Variants in PCDHGA4 observed in about 807,000 individuals in gnomAD.
PCDHGA4 encodes protocadherin gamma-A4.
PCDHGA4 carries 38 observed loss-of-function variants against 54.6 expected under a neutral mutation model. That is an observed-to-expected ratio of 0.70 (90% CI 0.54 to 0.91). The LOEUF (loss-of-function observed/expected upper bound fraction) is 0.91, where lower values mean the gene tolerates loss of function less well. PCDHGA4 is among the 40% of genes least tolerant of loss of function. The probability of loss-of-function intolerance (pLI) is 0.00; values close to 1 mark genes in which losing one functional copy is unlikely to be tolerated. For missense variants in PCDHGA4, 1,298 were observed against 1,220.9 expected, an observed-to-expected ratio of 1.06 and a Z score of -0.94; for synonymous variants, 511 against 512.9, an observed-to-expected ratio of 1.00 and a Z score of 0.05.
chr5:141,498,390 T>C (rs2099783500), intron 2 of PCDHGA4, among the ~76,000 whole-genome samples: 1 of 151,982 alleles, frequency 6.6e-6, no homozygotes, highest in Non-Finnish European at 1.5e-5. Context: ...ATCAAGGGAA[T>C]GGCAGGGAGT....
chr5:141,388,355 C>T (rs1204433407), intron 1 of PCDHGA4: 6 of 1,613,954 alleles, frequency 3.7e-6, no homozygotes, highest in Non-Finnish European at 5.1e-6. Flanking sequence ...TAGGATCTGC[C>T]CATGATGCGG....
intron 1 of PCDHGA4, among the ~76,000 whole-genome samples, chr5:141,435,500 A>G (rs896915416): frequency 6.6e-6 from 1 of 152,176 alleles, no homozygotes; most frequent in African/African-American, 2.4e-5. Context: ...TCCTACACTA[A>G]TGATACTAAT....
rs768559201 is a variant in PCDHGA4, at chr5:141,431,344, G to A, written c.2515-63463G>A. Reference sequence around the variant, plus strand: ...ACGGTAGTAAGTACCCCGAATTGGTGCTGAAACGCGCCCTGGACCGCGAAG... The same window carrying A: ...ACGGTAGTAAGTACCCCGAATTGGTACTGAAACGCGCCCTGGACCGCGAAG... On this transcript the variant is annotated intron_variant, in intron 1 of 3. Coordinates refer to ENST00000571252, the MANE Select transcript of PCDHGA4 (RefSeq NM_018917.4). The surrounding 1 kb of genome is among the most constrained non-coding windows in gnomAD (Gnocchi z 4.8). 3.9e-5 allele frequency: 63 copies of A among 1,614,078 alleles called. No homozygotes were observed. Among genetic ancestry groups the A allele is most frequent in the Non-Finnish European group, 5.0e-5 (59 of 1,180,044 alleles).
chr5:141,376,254 T>C (rs745835885), intron 1 of PCDHGA4: 3 of 1,614,098 alleles, frequency 1.9e-6, no homozygotes, highest in Non-Finnish European at 2.5e-6. Context: ...AAGTCACGCC[T>C]GCTGCAGGCT....
chr5:141,389,002 A>T (rs749693513), intron 1 of PCDHGA4: 25 of 1,613,966 alleles, frequency 1.5e-5, no homozygotes, highest in Admixed American at 3.3e-5. Context: ...CGTGACAAGG[A>T]TTCCAGACAC....
chr5:141,394,509 G>T lies in PCDHGA4; in HGVS notation c.2514+36888G>T, dbSNP rs367855808. 10 of 1,614,028 alleles carry T rather than the reference G, an allele frequency of 6.2e-6. No homozygotes were observed. The highest frequency in any genetic ancestry group is 7.6e-6 in the Non-Finnish European group (9 of 1,180,034). On this transcript the variant is annotated intron_variant, in intron 1 of 3. Transcript: ENST00000571252. ...CAACGCGCCCGAGATCCTGTACCCCGCCCTCCCCACAGACGGTTCCACTGG... is the reference window on the plus strand; with the variant it reads ...CAACGCGCCCGAGATCCTGTACCCCTCCCTCCCCACAGACGGTTCCACTGG...
intron 1 of PCDHGA4, chr5:141,403,625 A>G (rs2094436092): frequency 6.2e-7 from 1 of 1,613,818 alleles, no homozygotes; most frequent in African/African-American, 1.3e-5. Context: ...TCGCTCCAGC[A>G]CAGTGCGCAT....
intron 1 of PCDHGA4, chr5:141,372,132 C>T (rs1427906053): frequency 3.7e-6 from 6 of 1,613,718 alleles, no homozygotes; most frequent in Non-Finnish European, 5.1e-6. Context: ...TATGGTGCCG[C>T]GCTCTGCAGA....
intron 1 of PCDHGA4, chr5:141,399,935 A>G (rs2093920920): frequency 1.9e-6 from 3 of 1,612,300 alleles, no homozygotes; most frequent in Non-Finnish European, 2.5e-6. Context: ...CTGTCCTACC[A>G]CGTGCTGCAG....
chr5:141,385,078 G>A, intron 1 of PCDHGA4: 1 of 1,614,222 alleles, frequency 6.2e-7, no homozygotes, highest in Non-Finnish European at 8.5e-7. Context: ...CCTGCTGCAG[G>A]CTTCAGAAGG....
At chr5:141,483,224 G>A (rs530779494) in intron 1 of PCDHGA4, among the ~76,000 whole-genome samples, 17 of 152,242 alleles carry the variant, frequency 1.1e-4, no homozygotes, top group Middle Eastern at 3.4e-3. Flanking sequence ...AGTCACTGCA[G>A]AAATTTGAAC....
At chr5:141,383,551 G>T (rs772901140) in intron 1 of PCDHGA4, 11 of 1,612,380 alleles carry the variant, frequency 6.8e-6, no homozygotes, top group Non-Finnish European at 9.3e-6. Context: ...CTCTGATGGC[G>T]GCGACCCGCC....
In PCDHGA4 at chr5:141,490,682, C is replaced by T. The variant is rs1286126848; in HGVS notation, c.2515-4125C>T. On this transcript the variant is annotated intron_variant, in intron 1 of 3. Coordinates refer to ENST00000571252, the MANE Select transcript of PCDHGA4 (RefSeq NM_018917.4). The surrounding 1 kb of genome is among the most constrained non-coding windows in gnomAD (Gnocchi z 5.4). ...CTTTGCACTGTGGCTGCCTCAGATC[C>T]AGACACTGGGGATAATGCCCGCCTC... 10 of 1,614,054 alleles carry T rather than the reference C, an allele frequency of 6.2e-6. No homozygotes were observed. The highest frequency in any genetic ancestry group is 3.3e-5 in the Admixed American group (2 of 60,008).
At position 141,423,563 on chromosome 5, in the gene PCDHGA4, C is replaced by T. The variant is rs745802952; in HGVS notation, c.2514+65942C>T. 9.9e-6 allele frequency: 16 copies of T among 1,613,436 alleles called. No homozygotes were observed. In the Admixed American group the frequency reaches 2.3e-4, roughly 24 times the overall value. ...TTCCCCCAGCCCAACTATGGGGACA[C>T]GCTCATCAGCCAGGAGAGCTGTGAG... On this transcript the variant is annotated intron_variant, in intron 1 of 3. Coordinates refer to ENST00000571252, the MANE Select transcript of PCDHGA4 (RefSeq NM_018917.4).
intron 1 of PCDHGA4, among the ~76,000 whole-genome samples, chr5:141,450,830 T>A (rs923422605): frequency 3.0e-5 from 3 of 101,548 alleles, no homozygotes; most frequent in African/African-American, 1.3e-4. Context: ...ATTATTATTA[T>A]TTTTTTTTTT....
At chr5:141,423,444 A>C (rs1340932902) in intron 1 of PCDHGA4, 1 of 1,614,050 alleles carries the variant, frequency 6.2e-7, no homozygotes. Flanking sequence ...TGCCCACGTC[A>C]CATTTTGTAG....
intron 1 of PCDHGA4, chr5:141,414,713 C>T: frequency 6.2e-7 from 1 of 1,614,126 alleles, no homozygotes; most frequent in Admixed American, 1.7e-5. Context: ...TCCATCAACT[C>T]AGACACTGGC....
At position 141,393,580 on chromosome 5, in the gene PCDHGA4, C is replaced by A. The variant is rs756625630; in HGVS notation, c.2514+35959C>A. 5.6e-6 allele frequency: 9 copies of A among 1,613,758 alleles called. No individual in the cohort carries two copies. In the South Asian group the frequency reaches 9.9e-5, roughly 18 times the overall value. ...CGAGTGAAAGTCCTTGAGAACATGC[C>A]CCCAGGCACGCGGCTGCTTACTGTA... is the stretch of plus-strand genomic sequence containing the variant. On this transcript the variant is annotated intron_variant, in intron 1 of 3. Transcript: ENST00000571252.
chr5:141,448,044 C>T (rs2098559539), intron 1 of PCDHGA4, among the ~76,000 whole-genome samples: 1 of 151,942 alleles, frequency 6.6e-6, no homozygotes, highest in African/African-American at 2.4e-5. Context: ...CAAGATCATG[C>T]CATTGCTCTC....
Sources: allele counts gnomAD v4.1 joint callset (sites outside exome capture counted in the v4.1 genomes callset), GRCh38; gene constraint gnomAD v4.1.1; non-coding constraint Gnocchi (gnomAD v3.1); transcripts MANE v1.5; gene names NCBI Gene and HGNC (gene_info 2026-07-23, HGNC 2026-07-21).